Variants in LDHC observed in about 807,000 individuals in gnomAD.
LDHC encodes lactate dehydrogenase C, also known as L-lactate dehydrogenase C chain.
A neutral mutation model predicts 30.2 loss-of-function variants in LDHC; 20 were observed. The observed-to-expected ratio is 0.66, with a 90% confidence interval of 0.47 to 0.96. The LOEUF (loss-of-function observed/expected upper bound fraction) is 0.96, where lower values mean the gene tolerates loss of function less well. Among genes scored for constraint, LDHC ranks in the 40% least tolerant of loss-of-function variants. The pLI is 0.00. For missense variants in LDHC, 362 were observed against 394.9 expected (o/e 0.92, Z 0.71); for synonymous variants, 139 against 132.7 (o/e 1.05, Z -0.32).
At chr11:18,448,013 C>T (rs1481510254) in intron 7 of LDHC, among the ~76,000 whole-genome samples, 1 of 142,294 alleles carries the variant, frequency 7.0e-6, no homozygotes, top group Non-Finnish European at 1.5e-5. Context: ...TGTGTCACTG[C>T]ACTCCAGCCT....
chr11:18,446,288 T>A lies in LDHC; in HGVS notation c.789T>A (p.Ile263=), dbSNP rs1848554236. The part of the protein sequence containing the change: ...GLSVMDLVGS[I]LKNLRRVHPV... ...CTGTGATGGATTTGGTAGGATCCAT[T>A]TTGAAAAATCTTAGGAGAGTGCACC... Residue 263 remains isoleucine (I), a synonymous_variant, in exon 7 of 8, where the codon ATT becomes ATA. Coordinates refer to ENST00000541669, the MANE Select transcript of LDHC (RefSeq NM_017448.5). The A allele has an allele frequency of 6.2e-7, 1 of 1,605,672 alleles. No homozygotes were observed. Among genetic ancestry groups the A allele is most frequent in the Non-Finnish European group, 8.5e-7 (1 of 1,172,402 alleles).
intron 7 of LDHC, among the ~76,000 whole-genome samples, chr11:18,448,768 G>T: frequency 1.4e-5 from 2 of 142,334 alleles, no homozygotes; most frequent in South Asian, 2.2e-4. Context: ...GTGTCAAATA[G>T]GGAATTCTCT....
At chr11:18,412,476 G>A (rs1413195032) in intron 1 of LDHC, 68 bp downstream of exon 1, 5 of 446,206 alleles carry the variant, frequency 1.1e-5, no homozygotes, top group Non-Finnish European at 2.1e-5. Flanking sequence ...AGCGTGTGGT[G>A]CTGGGGTGAA....
chr11:18,449,081 C>T (rs1388431837), intron 7 of LDHC, among the ~76,000 whole-genome samples: 2 of 151,920 alleles, frequency 1.3e-5, no homozygotes, highest in Non-Finnish European at 2.9e-5. Flanking sequence ...TAAAGGGAAA[C>T]AAATTCTGGA....
chr11:18,449,115 GACTTCTTCCCCTGCCA>G (rs1198269923), intron 7 of LDHC, among the ~76,000 whole-genome samples: 2 of 151,984 alleles, frequency 1.3e-5, no homozygotes, highest in African/African-American at 4.8e-5. Flanking sequence ...GAAGCAGAGG[GACTTCTTCCCCTGCCA>G]CCATCAGAGG....
chr11:18,438,103 G>T (rs116728251), intron 5 of LDHC, among the ~76,000 whole-genome samples: 4 of 152,130 alleles, frequency 2.6e-5, no homozygotes, highest in African/African-American at 9.7e-5. Flanking sequence ...AAGAAAAGGG[G>T]TTTAATTTAG....
intron 3 of LDHC, among the ~76,000 whole-genome samples, chr11:18,425,280 G>A (rs1028352771): frequency 3.3e-5 from 5 of 152,120 alleles, no homozygotes; most frequent in Non-Finnish European, 7.4e-5. Context: ...GAATTCCTGG[G>A]TTCAAGCAGT....
chr11:18,441,141 A>C (rs949488591), intron 6 of LDHC, among the ~76,000 whole-genome samples: 11 of 151,802 alleles, frequency 7.2e-5, no homozygotes, highest in African/African-American at 2.2e-4. Context: ...AAAAAACAAA[A>C]AACAACAACA....
At chr11:18,413,790 A>G (rs1164062231) in intron 2 of LDHC, among the ~76,000 whole-genome samples, 1 of 152,094 alleles carries the variant, frequency 6.6e-6, no homozygotes, top group Non-Finnish European at 1.5e-5. Context: ...TCTTTCCCTT[A>G]CTGTTCGCTT....
chr11:18,428,258 G>A (rs923244397), intron 3 of LDHC, among the ~76,000 whole-genome samples: 1 of 128,588 alleles, frequency 7.8e-6, no homozygotes, highest in Non-Finnish European at 1.6e-5. Flanking sequence ...TGCAACCTCC[G>A]CCTCCTGGGT....
In LDHC at chr11:18,434,970, A is replaced by G. The variant is rs533091705; in HGVS notation, c.592+57A>G. The G allele has an allele frequency of 5.0e-6, 6 of 1,189,912 alleles. No homozygotes were observed. The South Asian group carries it at 1.1e-4, about 22-fold the overall frequency. The allele number at this position is 1,189,912 out of a possible 1,614,324, so 73.7% of individuals were successfully genotyped here. A position where few individuals can be genotyped will look rare whatever the true frequency, so the allele number is the denominator to read the frequency against. On this transcript the variant is annotated intron_variant, in intron 5 of 7. Coordinates refer to ENST00000541669, the MANE Select transcript of LDHC (RefSeq NM_017448.5). ...ACCCTTCTTATCTCTACTAGTGCTTATTTCCTTTAAAGTTTTTTCCCTGAT... is the reference window on the plus strand; with the variant it reads ...ACCCTTCTTATCTCTACTAGTGCTTGTTTCCTTTAAAGTTTTTTCCCTGAT...
At chr11:18,416,694 C>T (rs578149720) in intron 3 of LDHC, among the ~76,000 whole-genome samples, 51 of 147,246 alleles carry the variant, frequency 3.5e-4, no homozygotes, top group African/African-American at 1.2e-3. Context: ...CTTCCATCTT[C>T]CCCTTCCCTT....
At chr11:18,429,116 CT>C (rs36038254) in intron 3 of LDHC, among the ~76,000 whole-genome samples, 209 of 93,906 alleles carry the variant, frequency 2.2e-3, no homozygotes, top group African/African-American at 5.0e-3. Flanking sequence ...TCATTTTGGT[CT>C]TTTTTTTTTT....
At chr11:18,429,982 T>G (rs753612132) in intron 4 of LDHC, 72 bp downstream of exon 4, 1 of 915,774 alleles carries the variant, frequency 1.1e-6, no homozygotes, top group Non-Finnish European at 1.7e-6. Context: ...AGAATCAACT[T>G]CATTGAGTTA....
At position 18,429,862 on chromosome 11, in the gene LDHC, A is replaced by G. The variant is rs1476716012; in HGVS notation, c.370A>G (p.Ile124Val). The G allele has an allele frequency of 6.2e-7, 1 of 1,611,814 alleles. No homozygotes were observed. Among genetic ancestry groups the G allele is most frequent in the Non-Finnish European group, 8.5e-7 (1 of 1,178,290 alleles). The change falls in exon 4 of 8, where the codon ATA becomes GTA. Residue 124 changes from isoleucine (I) to valine (V), a missense_variant. Transcript: ENST00000541669. ...VAIMKSIIPA[I>V]VHYSPDCKIL... Reference sequence around the variant, plus strand: ...TATAATGAAATCAATCATTCCTGCCATAGTCCATTATAGTCCTGATTGTAA... The same window carrying G: ...TATAATGAAATCAATCATTCCTGCCGTAGTCCATTATAGTCCTGATTGTAA...
chr11:18,420,840 CTAAA>C (rs1336911343), intron 3 of LDHC, among the ~76,000 whole-genome samples: 1 of 151,672 alleles, frequency 6.6e-6, no homozygotes, highest in African/African-American at 2.4e-5. Context: ...GAAGGCAAAT[CTAAA>C]TAAATATCAA....
intron 3 of LDHC, among the ~76,000 whole-genome samples, chr11:18,420,854 A>G (rs1848030544): frequency 6.6e-6 from 1 of 152,088 alleles, no homozygotes; most frequent in Admixed American, 6.6e-5. Flanking sequence ...ATAAATATCA[A>G]TTGTATAAAA....
rs368187321 is a variant in LDHC, at chr11:18,438,595, G to C, written c.660G>C (p.Thr220=). 1 of 1,612,796 alleles carries C rather than the reference G, an allele frequency of 6.2e-7. No homozygotes were observed. Among genetic ancestry groups the C allele is most frequent in the East Asian group, 2.2e-5 (1 of 44,846 alleles). Residue 220 remains threonine (T), a synonymous_variant, in exon 6 of 8, where the codon ACG becomes ACC. Coordinates refer to ENST00000541669, the MANE Select transcript of LDHC (RefSeq NM_017448.5). ...AGACTCTGGACCCTAAATTAGGAAC[G>C]GATTCAGATAAGGAACACTGGAAAA... The part of the protein sequence containing the change: ...ALKTLDPKLG[T]DSDKEHWKNI...
Position 18,451,068 on chromosome 11 carries a change from G to A in LDHC, c.940G>A (p.Ala314Thr), listed in dbSNP as rs534491896. 4 of 1,582,420 alleles carry A rather than the reference G, an allele frequency of 2.5e-6. No homozygotes were observed. Among genetic ancestry groups the A allele is most frequent in the Admixed American group, 1.9e-5 (1 of 53,022 alleles). ...VKINLNSEEE[A>T]LFKKSAETLW... ...AATTAACTTGAATTCTGAGGAGGAG[G>A]CCCTTTTCAAGAAGAGTGCAGAAAC... The change falls in exon 8 of 8, where the codon GCC becomes ACC. Residue 314 changes from alanine (A) to threonine (T), a missense_variant. By Grantham distance (58) the Ala-to-Thr change is moderately conservative (BLOSUM62 0). Transcript: ENST00000541669.
Sources: gnomAD v4.1 joint callset for allele counts (sites outside exome capture counted in the v4.1 genomes callset) on GRCh38, gnomAD v4.1.1 for gene constraint, MANE v1.5 for transcripts, NCBI Gene and HGNC (gene_info 2026-07-23, HGNC 2026-07-21) for gene names.